Variants in B3GALT9 observed in about 807,000 individuals in gnomAD.
B3GALT9 encodes the protein beta-1,3-galactosyltransferase 9, also known as UDP-GlcNAc:betaGal beta-1,3-N-acetylglucosaminyltransferase 10 (putative).
rs2044907535 is a variant in B3GALT9, at chr9:120,793,649, T to A, written c.-455T>A. 1 of 398,802 alleles carries A rather than the reference T, an allele frequency of 2.5e-6. No individual in the cohort carries two copies. Among genetic ancestry groups the A allele is most frequent in the Non-Finnish European group, 4.4e-6 (1 of 226,144 alleles). The allele number at this position is 398,802 out of a possible 1,614,324, so 24.7% of individuals were successfully genotyped here. On this transcript the variant is annotated 5_prime_UTR_variant, in exon 1 of 3. An upstream start codon of the reference 5' UTR is lost. Coordinates refer to ENST00000689072, the MANE Select transcript of B3GALT9 (RefSeq NM_001386823.1). Reference sequence around the variant, plus strand: ...CATCCAGGTTTGCACAGCGCGCTTATGTCCCTCCTCCAATCTGATCTTGCA... The same window carrying A: ...CATCCAGGTTTGCACAGCGCGCTTAAGTCCCTCCTCCAATCTGATCTTGCA...
In B3GALT9 at chr9:120,798,565, C is replaced by A. The variant is rs971584390; in HGVS notation, c.7-10C>A. ...AAGCCTGAATGAACACGTGTCCTTT[C>A]CTTTTTTAGGTGACTTTCTGCAGAC... On this transcript the variant is annotated splice_polypyrimidine_tract_variant and intron_variant, in intron 2 of 2. Transcript: ENST00000689072. 2.5e-6 allele frequency: 1 copy of A among 399,534 alleles called. No individual in the cohort carries two copies. The highest frequency in any genetic ancestry group is 2.1e-5 in the African/African-American group (1 of 48,630). 24.7% of individuals were successfully genotyped at this position (399,534 alleles called of 1,614,324 possible). A position where few individuals can be genotyped will look rare whatever the true frequency, so the allele number is the denominator to read the frequency against.
rs188847100 is a variant in B3GALT9 at position 120,795,632 on chromosome 9, A to C, written c.-181-791A>C. Among the ~76,000 whole-genome samples the C allele has an allele frequency of 3.6e-3, 546 of 152,298 alleles. 3 individuals carry two copies. Among genetic ancestry groups the C allele is most frequent in the African/African-American group, 0.012 (513 of 41,574 alleles). On this transcript the variant is annotated intron_variant, in intron 1 of 2. Coordinates refer to ENST00000689072, the MANE Select transcript of B3GALT9 (RefSeq NM_001386823.1). ...AACATAGCCAACTTTAAATATAAGA[A>C]GTTATTCCTGGCCAAATAATTACAA...
Position 120,800,835 on chromosome 9 carries a change from A to G in B3GALT9, c.*1157A>G, listed in dbSNP as rs748032876. ...CTCTTGAACTTATTCCTCATGTCTA[A>G]CAAAAATGTTGGATCTCTTGGCCAT... On this transcript the variant is annotated 3_prime_UTR_variant, in exon 3 of 3. Coordinates refer to ENST00000689072, the MANE Select transcript of B3GALT9 (RefSeq NM_001386823.1). Among the ~76,000 whole-genome samples the G allele has an allele frequency of 2.6e-5, 4 of 152,252 alleles. No individual in the cohort carries two copies. Among genetic ancestry groups the G allele is most frequent in the Non-Finnish European group, 5.9e-5 (4 of 68,046 alleles).
rs1473963631 is a variant in B3GALT9 at position 120,799,145 on chromosome 9, T to C, written c.577T>C (p.Leu193=). Residue 193 remains leucine (L), a synonymous_variant, in exon 3 of 3, where the codon TTG becomes CTG. Coordinates refer to ENST00000689072, the MANE Select transcript of B3GALT9 (RefSeq NM_001386823.1). ...DEETFVNLPS[L]VDYLLNLKEH... ...AGAGACGTTTGTCAATCTACCAAGCTTGGTAGACTATCTTCTCAATCTGAA... is the reference window on the plus strand; with the variant it reads ...AGAGACGTTTGTCAATCTACCAAGCCTGGTAGACTATCTTCTCAATCTGAA... The C allele has an allele frequency of 2.5e-6, 1 of 398,832 alleles. No individual in the cohort carries two copies. Among genetic ancestry groups the C allele is most frequent in the Non-Finnish European group, 4.4e-6 (1 of 226,090 alleles). 24.7% of individuals were successfully genotyped at this position (398,832 alleles called of 1,614,324 possible).
rs2044964739 is a variant in B3GALT9, at chr9:120,800,605, C to A, written c.*927C>A. ...ATAACTAAGTTTTTTTTTTTATAAA[C>A]TGACTAGTAAAAATTATGTATATTT... On this transcript the variant is annotated 3_prime_UTR_variant, in exon 3 of 3. Transcript: ENST00000689072. Among the ~76,000 whole-genome samples, 1 of 151,702 alleles carries A rather than the reference C, an allele frequency of 6.6e-6. No homozygotes were observed. The highest frequency in any genetic ancestry group is 2.4e-5 in the African/African-American group (1 of 41,248).
Position 120,793,481 on chromosome 9 carries a change from C to T in B3GALT9, c.-623C>T. The T allele has an allele frequency of 7.5e-6, 3 of 398,910 alleles. No homozygotes were observed. Among genetic ancestry groups the T allele is most frequent in the Non-Finnish European group, 1.3e-5 (3 of 226,602 alleles). 24.7% of individuals were successfully genotyped at this position (398,910 alleles called of 1,614,324 possible). On this transcript the variant is annotated 5_prime_UTR_variant, in exon 1 of 3. Transcript: ENST00000689072. ...CGGAAGCGGCTGCACTTCCGGTCCCCGCCCGGAGGTGGGTGGTGGGAGGCT... is the reference window on the plus strand; with the variant it reads ...CGGAAGCGGCTGCACTTCCGGTCCCTGCCCGGAGGTGGGTGGTGGGAGGCT...
At position 120,799,256 on chromosome 9, in the gene B3GALT9, C is replaced by G. The variant is rs1414975035; in HGVS notation, c.688C>G (p.Leu230Val). The change falls in exon 3 of 3, where the codon CTT (leucine) becomes GTT (valine). Residue 230 changes from leucine to valine, a missense_variant. Leu to Val is a conservative substitution (Grantham distance 32, BLOSUM62 1). Transcript: ENST00000689072. ...TCCTCAGAACAGAGACTTTGTCCCT[C>G]TTAGTGAGTACCCAGAAAAATACTA... ...RDPQNRDFVP[L>V]SEYPEKYYPD... The G allele has an allele frequency of 2.5e-6, 1 of 399,202 alleles. No individual in the cohort carries two copies. The highest frequency in any genetic ancestry group is 4.4e-6 in the Non-Finnish European group (1 of 226,146). The allele number at this position is 399,202 out of a possible 1,614,324, so 24.7% of individuals were successfully genotyped here.
rs544850150 is a variant in B3GALT9, at chr9:120,800,156, C to T, written c.*478C>T. Among the ~76,000 whole-genome samples the T allele has an allele frequency of 2.7e-5, 4 of 149,012 alleles. No homozygotes were observed. The highest frequency in any genetic ancestry group is 1.3e-4 in the Admixed American group (2 of 14,822). Reference sequence around the variant, plus strand: ...TTTCGGAGACAGAGTCTTGCTCTGTCGCCCAGGCTGGAGTGCAATGGCACC... The same window carrying T: ...TTTCGGAGACAGAGTCTTGCTCTGTTGCCCAGGCTGGAGTGCAATGGCACC... On this transcript the variant is annotated 3_prime_UTR_variant, in exon 3 of 3. Coordinates refer to ENST00000689072, the MANE Select transcript of B3GALT9 (RefSeq NM_001386823.1).
chr9:120,795,996 G>A (rs1226282303), intron 1 of B3GALT9, among the ~76,000 whole-genome samples: 1 of 152,154 alleles, frequency 6.6e-6, no homozygotes, highest in Non-Finnish European at 1.5e-5. Flanking sequence ...TAAAGTGCTT[G>A]CATAGCCAAT....
rs2044959921 is a variant in B3GALT9 at position 120,799,823 on chromosome 9, CT to C, written c.*146del. The C allele has an allele frequency of 5.1e-6, 2 of 395,970 alleles. No homozygotes were observed. Among genetic ancestry groups the C allele is most frequent in the Admixed American group, 4.4e-5 (1 of 22,674 alleles). 24.5% of individuals were successfully genotyped at this position (395,970 alleles called of 1,614,324 possible). ...AAAGGTACAAAATGTTTTCTGTGCT[CT>C]GGTGTGCTCAATTACTGAGATCTCA... is the stretch of plus-strand genomic sequence containing the variant. On this transcript the variant is annotated 3_prime_UTR_variant, in exon 3 of 3. Transcript: ENST00000689072.
Position 120,793,821 on chromosome 9 carries a change from G to A in B3GALT9, c.-283G>A. Reference sequence around the variant, plus strand: ...CGCTGTTCTAGGGGATAGGGTTAGTGAACAAAAAACGCAAAAGCCCCTGAC... The same window carrying A: ...CGCTGTTCTAGGGGATAGGGTTAGTAAACAAAAAACGCAAAAGCCCCTGAC... On this transcript the variant is annotated 5_prime_UTR_variant, in exon 1 of 3. Transcript: ENST00000689072. 5.1e-6 allele frequency: 2 copies of A among 393,656 alleles called. No homozygotes were observed. The highest frequency in any genetic ancestry group is 8.9e-6 in the Non-Finnish European group (2 of 223,546). 24.4% of individuals were successfully genotyped at this position (393,656 alleles called of 1,614,324 possible).
rs2044962703 is a variant in B3GALT9, at chr9:120,800,268, C to T, written c.*590C>T. Among the ~76,000 whole-genome samples, 1 of 152,106 alleles carries T rather than the reference C, an allele frequency of 6.6e-6. No individual in the cohort carries two copies. The highest frequency in any genetic ancestry group is 2.4e-5 in the African/African-American group (1 of 41,400). ...AAGTAGCTGGGATTACAGGTGCCTGCCACCACGCCTGGCTAATTTTTGGTA... is the reference window on the plus strand; with the variant it reads ...AAGTAGCTGGGATTACAGGTGCCTGTCACCACGCCTGGCTAATTTTTGGTA... On this transcript the variant is annotated 3_prime_UTR_variant, in exon 3 of 3. Transcript: ENST00000689072.
intron 2 of B3GALT9, among the ~76,000 whole-genome samples, chr9:120,797,822 C>G (rs547228296): frequency 6.6e-6 from 1 of 152,330 alleles, no homozygotes; most frequent in Admixed American, 6.5e-5. Flanking sequence ...TTCCCTGGCT[C>G]TGTTATACTA....
intron 1 of B3GALT9, among the ~76,000 whole-genome samples, chr9:120,795,642 G>C (rs559786248): frequency 6.6e-6 from 1 of 152,190 alleles, no homozygotes; most frequent in South Asian, 2.1e-4. Flanking sequence ...AGTTATTCCT[G>C]GCCAAATAAT....
rs2044911621 is a variant in B3GALT9, at chr9:120,793,941, G to T, written c.-182+19G>T. 1 of 304,554 alleles carries T rather than the reference G, an allele frequency of 3.3e-6. No individual in the cohort carries two copies. The highest frequency in any genetic ancestry group is 1.6e-4 in the South Asian group (1 of 6,194). 18.9% of individuals were successfully genotyped at this position (304,554 alleles called of 1,614,324 possible). ...AAGCAAGGTAAGGAGGTTGTTGAAT[G>T]AAAAGAGACAGTCAAGTGATGTAGA... On this transcript the variant is annotated intron_variant, in intron 1 of 2. Coordinates refer to ENST00000689072, the MANE Select transcript of B3GALT9 (RefSeq NM_001386823.1).
Position 120,799,479 on chromosome 9 carries a change from A to G in B3GALT9, c.911A>G (p.Tyr304Cys), listed in dbSNP as rs371986494. 2.0e-5 allele frequency: 8 copies of G among 399,520 alleles called. No homozygotes were observed. The East Asian group carries it at 2.5e-4, about 12-fold the overall frequency. 24.7% of individuals were successfully genotyped at this position (399,520 alleles called of 1,614,324 possible). Reference sequence around the variant, plus strand: ...CACATTAGATACAACAGATGTTGCTATAAGTTCATTTTTACATCCTCAGAA... The same window carrying G: ...CACATTAGATACAACAGATGTTGCTGTAAGTTCATTTTTACATCCTCAGAA... ...KRHIRYNRCC[Y>C]KFIFTSSEIA... is the part of the protein sequence containing the mutation. The change falls in exon 3 of 3, where the codon TAT (tyrosine) becomes TGT (cysteine). Residue 304 changes from tyrosine (Y) to cysteine (C), a missense_variant. By Grantham distance (194) the Tyr-to-Cys change is radical (BLOSUM62 -2). Coordinates refer to ENST00000689072, the MANE Select transcript of B3GALT9 (RefSeq NM_001386823.1).
chr9:120,795,887 T>G (rs148466686), intron 1 of B3GALT9, among the ~76,000 whole-genome samples: 72 of 152,348 alleles, frequency 4.7e-4, no homozygotes, highest in African/African-American at 1.7e-3. Context: ...ATCAAATGTT[T>G]AGTTTCTTCA....
intron 2 of B3GALT9, among the ~76,000 whole-genome samples, chr9:120,797,993 CAAAAG>C (rs1278493648): frequency 6.6e-6 from 1 of 152,094 alleles, no homozygotes; most frequent in Non-Finnish European, 1.5e-5. Context: ...GAGCCATTGT[CAAAAG>C]AAACTCTGAT....
rs1231318852 is a variant in B3GALT9, at chr9:120,800,923, ATTTGAGTTTT to A, written c.*1249_*1258del. Reference sequence around the variant, plus strand: ...CTCCATTTACTCTCTGTTTCTATGAATTTGAGTTTTTTTACACTCCACATATAAGTGAGCT... The same window carrying A: ...CTCCATTTACTCTCTGTTTCTATGAATTTACACTCCACATATAAGTGAGCT... On this transcript the variant is annotated 3_prime_UTR_variant, in exon 3 of 3. Coordinates refer to ENST00000689072, the MANE Select transcript of B3GALT9 (RefSeq NM_001386823.1). 6.6e-6 allele frequency among the ~76,000 whole-genome samples: 1 copy of A among 152,166 alleles called. No homozygotes were observed. The highest frequency in any genetic ancestry group is 1.5e-5 in the Non-Finnish European group (1 of 68,028).
Sources: allele counts gnomAD v4.1 joint callset (sites outside exome capture counted in the v4.1 genomes callset), GRCh38; gene constraint gnomAD v4.1.1; transcripts MANE v1.5; gene names NCBI Gene and HGNC (gene_info 2026-07-23, HGNC 2026-07-21).